PCDH9: variants seen among roughly 807,000 people sequenced by gnomAD.
The protein encoded by PCDH9 is protocadherin-9.
PCDH9 carries 24 observed loss-of-function variants against 70.6 expected under a neutral mutation model. The ratio of observed to expected loss-of-function variants is 0.34; its 90% confidence interval spans 0.25 to 0.48. The LOEUF (loss-of-function observed/expected upper bound fraction) is 0.48. Among genes scored for constraint, PCDH9 ranks in the 20% least tolerant of loss-of-function variants. The pLI is 0.99. For synonymous variants in PCDH9, 562 were observed against 558.5 expected (o/e 1.01, Z -0.09); for missense variants, 1,281 against 1,503.6 (o/e 0.85, Z 2.45).
At chr13:66,430,913 A>T (rs1346810073) in intron 4 of PCDH9, among the ~76,000 whole-genome samples, 1 of 152,062 alleles carries the variant, frequency 6.6e-6, no homozygotes, top group Non-Finnish European at 1.5e-5. Context: ...TCACAAGGAG[A>T]TTACATGCAG....
intron 3 of PCDH9, among the ~76,000 whole-genome samples, chr13:66,727,144 T>C (rs2079015907): frequency 6.6e-6 from 1 of 152,132 alleles, no homozygotes; most frequent in African/African-American, 2.4e-5. Context: ...GGCACACACC[T>C]GTAGTCCTAG....
At chr13:66,805,305 A>C in intron 3 of PCDH9, among the ~76,000 whole-genome samples, 1 of 152,206 alleles carries the variant, frequency 6.6e-6, no homozygotes, top group East Asian at 1.9e-4. Flanking sequence ...CAAGGGAACT[A>C]ATTCTGCAGT....
At chr13:66,852,635 T>G (rs186912814) in intron 3 of PCDH9, among the ~76,000 whole-genome samples, 1 of 152,320 alleles carries the variant, frequency 6.6e-6, no homozygotes, top group Admixed American at 6.5e-5. Context: ...GGTGATCAGA[T>G]ATTTTATAGA....
intron 4 of PCDH9, among the ~76,000 whole-genome samples, chr13:66,570,402 AT>A (rs2076717833): frequency 1.3e-5 from 2 of 152,164 alleles, no homozygotes; most frequent in Admixed American, 6.6e-5. Context: ...AAAACTAAAT[AT>A]AACACAGACA....
chr13:66,708,020 A>T (rs1167438027), intron 3 of PCDH9, among the ~76,000 whole-genome samples: 1 of 152,100 alleles, frequency 6.6e-6, no homozygotes, highest in Admixed American at 6.5e-5. Context: ...TAAATTGAAC[A>T]CAGATAACAC....
intron 2 of PCDH9, among the ~76,000 whole-genome samples, chr13:67,134,955 G>C (rs1294101020): frequency 2.0e-5 from 3 of 152,004 alleles, no homozygotes; most frequent in Non-Finnish European, 4.4e-5. Flanking sequence ...TAGTTAAAGG[G>C]TACCAATGAA....
intron 2 of PCDH9, among the ~76,000 whole-genome samples, chr13:67,044,264 T>C (rs1050140277): frequency 3.3e-5 from 5 of 152,174 alleles, no homozygotes; most frequent in African/African-American, 1.2e-4. Context: ...AAAGCAAGAA[T>C]ATTTTTTAAA....
At chr13:67,015,887 G>A (rs531101216) in intron 2 of PCDH9, among the ~76,000 whole-genome samples, 1 of 152,236 alleles carries the variant, frequency 6.6e-6, no homozygotes, top group Admixed American at 6.5e-5. Context: ...TTATTTGCAT[G>A]GCTGTCCCTC....
intron 2 of PCDH9, chr13:67,223,603 C>G (rs1384700668): frequency 1.3e-5 from 2 of 152,028 alleles, no homozygotes; most frequent in Non-Finnish European, 2.9e-5. Flanking sequence ...TCATAAATTA[C>G]TTTTCTTATC....
chr13:66,672,045 A>G (rs1049517284), intron 3 of PCDH9, among the ~76,000 whole-genome samples: 1 of 152,126 alleles, frequency 6.6e-6, no homozygotes, highest in Non-Finnish European at 1.5e-5. Context: ...GAGGAAAAAA[A>G]TGGTTTCATG....
intron 4 of PCDH9, among the ~76,000 whole-genome samples, chr13:66,394,492 C>T (rs1443818105): frequency 6.6e-6 from 1 of 152,044 alleles, no homozygotes; most frequent in African/African-American, 2.4e-5. Context: ...TTATCAATTA[C>T]ATAAAAATCT....
intron 4 of PCDH9, among the ~76,000 whole-genome samples, chr13:66,408,569 A>C (rs1957321707): frequency 6.6e-6 from 1 of 152,236 alleles, no homozygotes; most frequent in Admixed American, 6.5e-5. Flanking sequence ...TTTTACTTTC[A>C]TTAAATAGTA....
At chr13:66,775,693 A>C (rs999513043) in intron 3 of PCDH9, among the ~76,000 whole-genome samples, 1 of 152,252 alleles carries the variant, frequency 6.6e-6, no homozygotes, top group Non-Finnish European at 1.5e-5. Flanking sequence ...GTAGGAATAC[A>C]TATAACGTAC....
intron 3 of PCDH9, among the ~76,000 whole-genome samples, chr13:66,834,856 T>C (rs540440600): frequency 1.3e-5 from 2 of 152,236 alleles, no homozygotes; most frequent in African/African-American, 2.4e-5. Flanking sequence ...TGGAACGCTT[T>C]GCTCCTCTTC....
chr13:67,082,528 T>C (rs1459069848), intron 2 of PCDH9, among the ~76,000 whole-genome samples: 1 of 152,200 alleles, frequency 6.6e-6, no homozygotes, highest in Non-Finnish European at 1.5e-5. Context: ...CTATTCTGAA[T>C]AATTAAATTT....
intron 2 of PCDH9, among the ~76,000 whole-genome samples, chr13:67,178,688 C>T (rs1289384720): frequency 6.6e-6 from 1 of 152,074 alleles, no homozygotes; most frequent in Non-Finnish European, 1.5e-5. Context: ...CCTGAATCAC[C>T]TTTCCCCTTT....
At chr13:66,867,702 C>G (rs1256194792) in intron 3 of PCDH9, among the ~76,000 whole-genome samples, 1 of 151,902 alleles carries the variant, frequency 6.6e-6, no homozygotes, top group Non-Finnish European at 1.5e-5. Flanking sequence ...TTGCTATTAC[C>G]AAAAAGTAAT....
chr13:66,749,640 G>T (rs1477742004), intron 3 of PCDH9, among the ~76,000 whole-genome samples: 1 of 152,090 alleles, frequency 6.6e-6, no homozygotes, highest in African/African-American at 2.4e-5. Flanking sequence ...TTTAGAAAAA[G>T]TCTCTAACAT....
chr13:66,881,223 C>T (rs1486404975), intron 3 of PCDH9, among the ~76,000 whole-genome samples: 2 of 152,014 alleles, frequency 1.3e-5, no homozygotes, highest in South Asian at 2.1e-4. Context: ...AGTGTTAGTC[C>T]GTTTTCATGC....
Sources: gnomAD v4.1 joint callset for allele counts (sites outside exome capture counted in the v4.1 genomes callset) on GRCh38, gnomAD v4.1.1 for gene constraint, MANE v1.5 for transcripts, NCBI Gene and HGNC (gene_info 2026-07-23, HGNC 2026-07-21) for gene names.